The following KLHDC4 variants were observed in gnomAD, a reference collection of about 807,000 sequenced individuals.
KLHDC4 encodes kelch domain-containing protein 4.
A neutral mutation model predicts 62.4 loss-of-function variants in KLHDC4; 90 were observed. The observed-to-expected ratio is 1.44, with a 90% CI of 1.22 to 1.72. KLHDC4 has a LOEUF of 1.72. Among genes scored for constraint, KLHDC4 ranks in the 40% most tolerant of loss-of-function variants. The pLI, the probability that KLHDC4 is intolerant of heterozygous loss-of-function variation, is 0.00. For synonymous variants in KLHDC4, 386 were observed against 284.4 expected (o/e 1.36, Z -3.59); for missense variants, 1,025 against 699.7 (o/e 1.47, Z -5.25).
chr16:87,730,644 T>C lies in KLHDC4; in HGVS notation c.507A>G (p.Lys169=), dbSNP rs779800436. ...HLATKTWEQV[K]STGGPSGRSG... is the part of the protein sequence containing the mutation. ...TCCGACCCGAAGGACCGCCTGTTGATCTAAAATGAAATAAACAAAAAGACA... is the reference window on the plus strand; with the variant it reads ...TCCGACCCGAAGGACCGCCTGTTGACCTAAAATGAAATAAACAAAAAGACA... The change falls in exon 6 of 12, where the codon AAA becomes AAG. Residue 169 remains lysine, a splice_region_variant and synonymous_variant. Coordinates refer to ENST00000270583, the MANE Select transcript of KLHDC4 (RefSeq NM_017566.4). The C allele has an allele frequency of 1.8e-5, 29 of 1,611,948 alleles. No individual in the cohort carries two copies. Among genetic ancestry groups the C allele is most frequent in the Admixed American group, 1.3e-4 (8 of 59,372 alleles).
chr16:87,722,538 G>C (rs1312060978), intron 7 of KLHDC4, among the ~76,000 whole-genome samples: 1 of 152,210 alleles, frequency 6.6e-6, no homozygotes. Flanking sequence ...ACACTGTCAA[G>C]CACGCCACTG....
At chr16:87,709,759 G>C (rs1036775633) in intron 9 of KLHDC4, 92 bp from the exon 10 acceptor site, 9 of 1,399,392 alleles carry the variant, frequency 6.4e-6, no homozygotes, top group Admixed American at 2.6e-5. Context: ...GGGTTTGCGG[G>C]GACCACCCAC....
rs964331807 is a variant in KLHDC4, at chr16:87,708,318, GCCGCGCCAC to G, written c.*1+23_*1+31del. ...AAAAGCCTTTCACGAACACCCAGCA[GCCGCGCCAC>G]CCGCCAGCCCGAGCCCGCTCACCTC... is the stretch of plus-strand genomic sequence containing the variant. On this transcript the variant is annotated intron_variant, in intron 11 of 11. Transcript: ENST00000270583. 3.5e-6 allele frequency: 5 copies of G among 1,409,274 alleles called. No individual in the cohort carries two copies. In the African/African-American group the frequency reaches 7.2e-5, roughly 20 times the overall value. 87.3% of individuals were successfully genotyped at this position (1,409,274 alleles called of 1,614,324 possible). A position where few individuals can be genotyped will look rare whatever the true frequency, so the allele number is the denominator to read the frequency against.
chr16:87,760,091 G>C (rs779442913), intron 2 of KLHDC4, among the ~76,000 whole-genome samples: 1 of 152,064 alleles, frequency 6.6e-6, no homozygotes, highest in Admixed American at 6.6e-5. Context: ...CCAAGCAAAA[G>C]ATCTTAATCT....
intron 5 of KLHDC4, 57 bp from the exon 6 acceptor site, chr16:87,730,701 A>T: frequency 6.8e-7 from 1 of 1,470,452 alleles, no homozygotes; most frequent in Admixed American, 1.9e-5. Context: ...GGTTGTTCTA[A>T]AGACGACAAC....
rs568401184 is a variant in KLHDC4, at chr16:87,726,855, C to A, written c.669G>T (p.Pro223=). The change falls in exon 7 of 12, where the codon CCG becomes CCT. Residue 223 remains proline (P), a synonymous_variant. Coordinates refer to ENST00000270583, the MANE Select transcript of KLHDC4 (RefSeq NM_017566.4). ...ATCTGGGTGTGGGCCCCGTCCCTGA[C>A]GGGGACAGCTTGCTCCATGTGAAGG... is the stretch of plus-strand genomic sequence containing the variant. ...LDTFTWSKLS[P]SGTGPTPRSG... The A allele has an allele frequency of 3.1e-6, 5 of 1,613,358 alleles. No homozygotes were observed. The Admixed American group carries it at 6.7e-5, about 22-fold the overall frequency.
chr16:87,763,766 C>A (rs1449089119), intron 1 of KLHDC4, among the ~76,000 whole-genome samples: 4 of 152,186 alleles, frequency 2.6e-5, no homozygotes, highest in African/African-American at 9.7e-5. Context: ...TTGACCTTGG[C>A]TGAACCTCAT....
chr16:87,712,354 C>T (rs1168790595), intron 8 of KLHDC4, among the ~76,000 whole-genome samples: 1 of 152,050 alleles, frequency 6.6e-6, no homozygotes, highest in Non-Finnish European at 1.5e-5. Flanking sequence ...CCAGTGTGGG[C>T]GTGGCTCTGG....
chr16:87,752,345 T>G (rs1390532294), intron 4 of KLHDC4, among the ~76,000 whole-genome samples: 2 of 149,868 alleles, frequency 1.3e-5, no homozygotes, highest in Admixed American at 6.6e-5. Flanking sequence ...TTTCTTTTTT[T>G]TTTTTTTTGG....
At chr16:87,723,837 T>C (rs1471541416) in intron 7 of KLHDC4, among the ~76,000 whole-genome samples, 4 of 152,214 alleles carry the variant, frequency 2.6e-5, no homozygotes, top group Non-Finnish European at 5.9e-5. Context: ...TAAAAAGCCT[T>C]TTCTTTTTTC....
intron 2 of KLHDC4, among the ~76,000 whole-genome samples, chr16:87,757,764 C>A (rs1169972559): frequency 1.3e-5 from 2 of 151,352 alleles, no homozygotes; most frequent in African/African-American, 4.9e-5. Flanking sequence ...TGGTGGTGGG[C>A]ACCTGTAATC....
intron 7 of KLHDC4, among the ~76,000 whole-genome samples, chr16:87,723,217 A>C (rs1316660795): frequency 6.6e-6 from 1 of 152,184 alleles, no homozygotes; most frequent in Non-Finnish European, 1.5e-5. Flanking sequence ...TTACACTCCA[A>C]ACCATTCACA....
At chr16:87,732,067 G>A (rs190527193) in intron 5 of KLHDC4, among the ~76,000 whole-genome samples, 109 of 151,498 alleles carry the variant, frequency 7.2e-4, no homozygotes, top group Middle Eastern at 3.4e-3. Flanking sequence ...CATCTTGTCT[G>A]TGGTGCTAAT....
chr16:87,704,797 T>A (rs1001103793), downstream of KLHDC4, among the ~76,000 whole-genome samples: 3 of 152,104 alleles, frequency 2.0e-5, no homozygotes, highest in Non-Finnish European at 4.4e-5. Context: ...CAAGAATTTC[T>A]AAGCTCAATG....
Position 87,708,364 on chromosome 16 carries a change from C to G in KLHDC4, c.1550G>C (p.Gly517Ala). The change falls in exon 11 of 12, where the codon GGT becomes GCT. Residue 517 changes from glycine to alanine, a missense_variant. By Grantham distance (60) the Gly-to-Ala change is moderately conservative (BLOSUM62 0). Coordinates refer to ENST00000270583, the MANE Select transcript of KLHDC4 (RefSeq NM_017566.4). ...AGCCCGCTCACCTCAGTCCTCCGCA[C>G]CGCTCTCCTCTCCGCTGTCTTCGTC... Reference protein sequence around the residue: ...VDDEDSGEESGAED With the variant: ...VDDEDSGEESAAED 6.2e-7 allele frequency: 1 copy of G among 1,607,094 alleles called. No individual in the cohort carries two copies. Among genetic ancestry groups the G allele is most frequent in the Non-Finnish European group, 8.5e-7 (1 of 1,177,324 alleles).
At chr16:87,752,024 AG>A (rs2044054197) in intron 4 of KLHDC4, among the ~76,000 whole-genome samples, 2 of 130,018 alleles carry the variant, frequency 1.5e-5, no homozygotes, top group South Asian at 5.3e-4. Context: ...CGGGAGGCGG[AG>A]GTTGCAGTGA....
chr16:87,706,868 G>C (rs914697788), downstream of KLHDC4, among the ~76,000 whole-genome samples: 25 of 152,218 alleles, frequency 1.6e-4, 1 homozygote, highest in Middle Eastern at 9.5e-3. Flanking sequence ...AAGAGGCCAA[G>C]GGAGCGGGGA....
intron 8 of KLHDC4, among the ~76,000 whole-genome samples, chr16:87,714,034 G>A (rs1232103677): frequency 6.6e-6 from 1 of 152,076 alleles, no homozygotes; most frequent in East Asian, 1.9e-4. Flanking sequence ...CCGACCCCTG[G>A]CTGGGAAGCC....
At chr16:87,733,523 C>A (rs1032008330) in intron 5 of KLHDC4, among the ~76,000 whole-genome samples, 1 of 152,158 alleles carries the variant, frequency 6.6e-6, no homozygotes, top group Admixed American at 6.5e-5. Context: ...CAGGGCAGGG[C>A]CTTAAGGAGG....
Sources: gnomAD v4.1 joint callset for allele counts (sites outside exome capture counted in the v4.1 genomes callset) on GRCh38, gnomAD v4.1.1 for gene constraint, MANE v1.5 for transcripts, NCBI Gene and HGNC (gene_info 2026-07-23, HGNC 2026-07-21) for gene names.